Variants in MCPH1 observed in about 807,000 individuals in gnomAD.
MCPH1 encodes the protein microcephalin.
Under a neutral mutation model 84.5 loss-of-function variants are expected in MCPH1, and 104 were observed. The observed-to-expected ratio is 1.23, with a 90% CI of 1.05 to 1.45. MCPH1 has a LOEUF of 1.45. MCPH1 is among the 40% of genes most tolerant of loss of function. The probability of loss-of-function intolerance (pLI) is 0.00; values close to 1 mark genes in which losing one functional copy is unlikely to be tolerated. For synonymous variants in MCPH1, 514 were observed against 366.8 expected (o/e 1.40, Z -4.58); for missense variants, 1,498 against 1,005.7 (o/e 1.49, Z -6.62).
rs1366746289 is a variant in MCPH1, at chr8:6,423,087, C to G, written c.233+8204C>G. 2.0e-5 allele frequency among the ~76,000 whole-genome samples: 3 copies of G among 151,312 alleles called. 1 individual carries two copies. The highest frequency in any genetic ancestry group is 7.4e-5 in the African/African-American group (3 of 40,784). ...CCGCCCACCTTGGCCTCCCAAAGTG[C>G]TAGGATTACAGGTAAGAGCCACCGT... On this transcript the variant is annotated intron_variant, in intron 3 of 13. Coordinates refer to ENST00000344683, the MANE Select transcript of MCPH1 (RefSeq NM_024596.5).
chr8:6,614,524 A>G (rs1830605388), intron 12 of MCPH1, among the ~76,000 whole-genome samples: 2 of 152,214 alleles, frequency 1.3e-5, no homozygotes, highest in African/African-American at 4.8e-5. Context: ...TCCAGTGCCC[A>G]TGTGGCTTGG....
At chr8:6,605,877 T>G (rs1377791019) in intron 12 of MCPH1, among the ~76,000 whole-genome samples, 3 of 152,076 alleles carry the variant, frequency 2.0e-5, no homozygotes, top group Non-Finnish European at 4.4e-5. Flanking sequence ...TTTGTATTTT[T>G]AGTAAAGATG....
intron 8 of MCPH1, among the ~76,000 whole-genome samples, chr8:6,450,657 AC>A (rs1344351981): frequency 6.6e-6 from 1 of 151,880 alleles, no homozygotes; most frequent in Non-Finnish European, 1.5e-5. Context: ...TGATGATGTC[AC>A]CGATAACCAC....
intron 9 of MCPH1, chr8:6,477,139 G>T (rs988534951): frequency 1.3e-5 from 2 of 157,054 alleles, no homozygotes; most frequent in African/African-American, 4.8e-5. Context: ...TGTATGTGGG[G>T]GATTCACTTG....
intron 3 of MCPH1, among the ~76,000 whole-genome samples, chr8:6,426,393 A>G (rs1416613450): frequency 1.3e-5 from 2 of 152,140 alleles, no homozygotes; most frequent in South Asian, 2.1e-4. Flanking sequence ...GGTTTCTGTC[A>G]TTAAAGATTA....
Position 6,619,874 on chromosome 8 carries a change from G to A in MCPH1, c.2215-1580G>A, listed in dbSNP as rs191610939. ...GCTGGGATTACAGGTGTGAGCCACC[G>A]TGCCCGGCCAGATACTTTCATAATT... On this transcript the variant is annotated intron_variant, in intron 12 of 13. Coordinates refer to ENST00000344683, the MANE Select transcript of MCPH1 (RefSeq NM_024596.5). 2.6e-5 allele frequency among the ~76,000 whole-genome samples: 4 copies of A among 152,322 alleles called. No individual in the cohort carries two copies. In the East Asian group the frequency reaches 5.8e-4, roughly 22 times the overall value.
intron 13 of MCPH1, among the ~76,000 whole-genome samples, chr8:6,628,966 C>T (rs1241318458): frequency 6.6e-6 from 1 of 152,178 alleles, no homozygotes; most frequent in Non-Finnish European, 1.5e-5. Context: ...GCATATTAGA[C>T]AGTCAGTGTT....
At chr8:6,514,085 C>G (rs1299764238) in intron 12 of MCPH1, among the ~76,000 whole-genome samples, 5 of 152,122 alleles carry the variant, frequency 3.3e-5, no homozygotes, top group Non-Finnish European at 7.3e-5. Context: ...GGGGAGCCAC[C>G]AGCAGAAGCC....
In MCPH1 at chr8:6,562,796, G is replaced by A. The variant is rs772939526; in HGVS notation, c.2215-58658G>A. On this transcript the variant is annotated intron_variant, in intron 12 of 13. Transcript: ENST00000344683. ...GAGCGGCAGTTGTCCATCTCTGGCAGGAGGAAAGTGTAGCTGCAGGACCCA... is the reference window on the plus strand; with the variant it reads ...GAGCGGCAGTTGTCCATCTCTGGCAAGAGGAAAGTGTAGCTGCAGGACCCA... 1 of 1,613,718 alleles carries A rather than the reference G, an allele frequency of 6.2e-7. No homozygotes were observed. Among genetic ancestry groups the A allele is most frequent in the Admixed American group, 1.7e-5 (1 of 59,976 alleles).
chr8:6,473,576 C>T (rs986756463), intron 9 of MCPH1, among the ~76,000 whole-genome samples: 1 of 152,046 alleles, frequency 6.6e-6, no homozygotes, highest in Non-Finnish European at 1.5e-5. Context: ...CGTGATCTGC[C>T]CACCTCAGCC....
At chr8:6,591,608 T>C (rs889271261) in intron 12 of MCPH1, among the ~76,000 whole-genome samples, 1 of 152,232 alleles carries the variant, frequency 6.6e-6, no homozygotes, top group African/African-American at 2.4e-5. Flanking sequence ...TCTGGTGTGC[T>C]TTGTGGGTTG....
At chr8:6,491,463 T>C (rs1810578135) in intron 11 of MCPH1, among the ~76,000 whole-genome samples, 1 of 151,964 alleles carries the variant, frequency 6.6e-6, no homozygotes, top group Non-Finnish European at 1.5e-5. Flanking sequence ...ACATGTATTT[T>C]TTTTTCTAGT....
intron 12 of MCPH1, among the ~76,000 whole-genome samples, chr8:6,566,792 TGTG>T (rs901884103): frequency 6.3e-5 from 9 of 143,528 alleles, no homozygotes; most frequent in Non-Finnish European, 1.1e-4. Flanking sequence ...GTGCTTATGG[TGTG>T]GTGACCGTGT....
chr8:6,498,804 G>T (rs1340047678), intron 11 of MCPH1, among the ~76,000 whole-genome samples: 1 of 152,020 alleles, frequency 6.6e-6, no homozygotes. Flanking sequence ...TAAATAACAT[G>T]CATTGAGGCT....
chr8:6,489,468 C>T (rs578170900), intron 11 of MCPH1, among the ~76,000 whole-genome samples: 1 of 152,226 alleles, frequency 6.6e-6, no homozygotes, highest in South Asian at 2.1e-4. Context: ...AGACAGAAGC[C>T]ACTGTTTGAT....
intron 1 of MCPH1, chr8:6,406,950 A>C (rs1585532472): frequency 1.0e-4 from 42 of 421,234 alleles, no homozygotes; most frequent in Non-Finnish European, 1.1e-4. Context: ...TGTCCCCCCA[A>C]ACCCCCGACT....
intron 3 of MCPH1, among the ~76,000 whole-genome samples, chr8:6,430,642 G>C (rs1307038257): frequency 6.6e-6 from 1 of 152,134 alleles, no homozygotes; most frequent in Non-Finnish European, 1.5e-5. Context: ...TCAAATAACT[G>C]TTCGTGTGTT....
At chr8:6,508,972 G>A (rs148198799) in intron 12 of MCPH1, 29 of 1,614,052 alleles carry the variant, frequency 1.8e-5, no homozygotes, top group East Asian at 1.3e-4. Context: ...TACATTTGTC[G>A]TTGTCTCCAT....
At chr8:6,559,366 T>C (rs1825164350) in intron 12 of MCPH1, among the ~76,000 whole-genome samples, 1 of 152,182 alleles carries the variant, frequency 6.6e-6, no homozygotes, top group Non-Finnish European at 1.5e-5. Flanking sequence ...AGAGCATAAC[T>C]GCATGGTTTC....
Sources: allele counts gnomAD v4.1 joint callset (sites outside exome capture counted in the v4.1 genomes callset), GRCh38; gene constraint gnomAD v4.1.1; transcripts MANE v1.5; gene names NCBI Gene and HGNC (gene_info 2026-07-23, HGNC 2026-07-21).